The following GRIK2 variants were observed in gnomAD, a reference collection of about 807,000 sequenced individuals.
GRIK2 encodes the protein glutamate ionotropic receptor kainate type subunit 2.
In GRIK2, 32 loss-of-function variants were observed where a neutral mutation model predicts 100.3. That is an observed-to-expected ratio of 0.32 (90% confidence interval 0.24 to 0.43). GRIK2 has a LOEUF of 0.43. Ranked by LOEUF, GRIK2 falls within the 20% of genes least tolerant of loss-of-function variation. The probability of loss-of-function intolerance (pLI) is 1.00; values close to 1 mark genes in which losing one functional copy is unlikely to be tolerated. For missense variants in GRIK2, 843 were observed against 1,114.9 expected (o/e 0.76, Z 3.47); for synonymous variants, 417 against 389.4 (o/e 1.07, Z -0.83).
chr6:101,656,840 A>C (rs1377337045), intron 4 of GRIK2, among the ~76,000 whole-genome samples: 1 of 152,116 alleles, frequency 6.6e-6, no homozygotes, highest in African/African-American at 2.4e-5. Flanking sequence ...CAAACACAAC[A>C]CTTCTCCAAA....
chr6:101,494,971 T>TTTTATA (rs1554209024), intron 2 of GRIK2, among the ~76,000 whole-genome samples: 162 of 107,956 alleles, frequency 1.5e-3, no homozygotes, highest in Middle Eastern at 5.6e-3. Flanking sequence ...ATATATGCAT[T>TTTTATA]TATATATATA....
At chr6:101,667,101 G>A (rs1465075728) in intron 4 of GRIK2, among the ~76,000 whole-genome samples, 6 of 152,130 alleles carry the variant, frequency 3.9e-5, no homozygotes, top group Non-Finnish European at 7.4e-5. Context: ...CCTGCCACGG[G>A]CTGCCATGCC....
chr6:101,757,642 A>G (rs1040124483), intron 7 of GRIK2, among the ~76,000 whole-genome samples: 4 of 152,156 alleles, frequency 2.6e-5, no homozygotes, highest in African/African-American at 4.8e-5. Flanking sequence ...TTCAAACAAT[A>G]AAGTCTGGCT....
chr6:101,452,238 T>C (rs2518160), intron 2 of GRIK2, among the ~76,000 whole-genome samples: 32,545 of 151,630 alleles, frequency 0.21, 4,197 homozygotes, highest in Non-Finnish European at 0.3. Flanking sequence ...ATCAGCATAG[T>C]ATGGTTCCTT....
At chr6:101,740,946 C>T (rs141955144) in intron 7 of GRIK2, among the ~76,000 whole-genome samples, 1 of 152,308 alleles carries the variant, frequency 6.6e-6, no homozygotes, top group East Asian at 1.9e-4. Flanking sequence ...GATCACATTT[C>T]ACCATGAGAT....
chr6:101,962,614 T>C (rs73761500), intron 14 of GRIK2, among the ~76,000 whole-genome samples: 253 of 152,332 alleles, frequency 1.7e-3, no homozygotes, highest in African/African-American at 6.1e-3. Context: ...TATCCATTAT[T>C]GAAAGTGAGC....
intron 12 of GRIK2, among the ~76,000 whole-genome samples, chr6:101,906,407 G>C (rs1049716997): frequency 2.7e-5 from 1 of 36,388 alleles, no homozygotes; most frequent in Admixed American, 3.9e-4. Context: ...TAAACCTTGG[G>C]ATAAAGACTG....
intron 10 of GRIK2, among the ~76,000 whole-genome samples, chr6:101,852,546 A>G (rs1784195469): frequency 6.6e-6 from 1 of 152,132 alleles, no homozygotes; most frequent in African/African-American, 2.4e-5. Flanking sequence ...TAAGCCTGCT[A>G]TGAGCCAGGG....
chr6:102,062,496 T>G (rs1319421919), intron 16 of GRIK2, among the ~76,000 whole-genome samples: 1 of 123,484 alleles, frequency 8.1e-6, no homozygotes, highest in Non-Finnish European at 1.9e-5. Context: ...TTTTTCTAGC[T>G]ATAAAACTAC....
chr6:102,035,328 T>G lies in GRIK2; in HGVS notation c.2086-13T>G. The G allele has an allele frequency of 1.3e-6, 2 of 1,516,578 alleles. No homozygotes were observed. The highest frequency in any genetic ancestry group is 1.8e-6 in the Non-Finnish European group (2 of 1,095,478). The allele number at this position is 1,516,578 out of a possible 1,614,324, so 93.9% of individuals were successfully genotyped here. A position where few individuals can be genotyped will look rare whatever the true frequency, so the allele number is the denominator to read the frequency against. On this transcript the variant is annotated splice_polypyrimidine_tract_variant and intron_variant, in intron 14 of 16. Transcript: ENST00000369134. The stretch of plus-strand genomic sequence containing the variant: ...TAACTTTCTCGTGACCAACTTATAT[T>G]TATTTTCTTCAGAAATCAAAAATCT...
chr6:101,779,867 ATCTC>A (rs199696205), intron 7 of GRIK2, among the ~76,000 whole-genome samples: 12 of 150,910 alleles, frequency 8.0e-5, no homozygotes, highest in Non-Finnish European at 1.5e-4. Flanking sequence ...GGAGAGATAA[ATCTC>A]TCTCTCTATA....
intron 3 of GRIK2, among the ~76,000 whole-genome samples, chr6:101,624,300 G>A (rs9377287): frequency 6.8e-4 from 104 of 152,088 alleles, no homozygotes; most frequent in East Asian, 4.3e-3. Flanking sequence ...GGTGAAGGAA[G>A]ATCATTTATC....
chr6:101,745,704 A>G (rs1184683560), intron 7 of GRIK2, among the ~76,000 whole-genome samples: 5 of 152,048 alleles, frequency 3.3e-5, no homozygotes, highest in Admixed American at 6.6e-5. Context: ...TTCTTTTAAC[A>G]CCTTAGCTCT....
intron 14 of GRIK2, among the ~76,000 whole-genome samples, chr6:101,957,675 G>A (rs1296566714): frequency 6.6e-6 from 1 of 151,826 alleles, no homozygotes; most frequent in Non-Finnish European, 1.5e-5. Flanking sequence ...CTTACATTCA[G>A]GAATTTAATT....
intron 14 of GRIK2, among the ~76,000 whole-genome samples, chr6:101,975,094 A>AT (rs1793285437): frequency 6.6e-6 from 1 of 151,968 alleles, no homozygotes; most frequent in African/African-American, 2.4e-5. Flanking sequence ...GTCAAGGATG[A>AT]TTTTTTGATT....
rs140767254 is a variant in GRIK2 at position 101,489,439 on chromosome 6, C to T, written c.115+90047C>T. Among the ~76,000 whole-genome samples the T allele has an allele frequency of 1.4e-4, 21 of 145,846 alleles. 1 individual carries two copies. In the East Asian group the frequency reaches 2.9e-3, roughly 20 times the overall value. On this transcript the variant is annotated intron_variant, in intron 2 of 16. Coordinates refer to ENST00000369134, the MANE Select transcript of GRIK2 (RefSeq NM_021956.5). ...CATATAGGCACTTTTATCCTCCCCC[C>T]GCCCGCCCACACTGATTCATTCATT...
intron 12 of GRIK2, among the ~76,000 whole-genome samples, chr6:101,891,316 A>G (rs1024285032): frequency 6.6e-6 from 1 of 151,994 alleles, no homozygotes; most frequent in African/African-American, 2.4e-5. Context: ...CAGGAGATTG[A>G]GACCATCCTG....
At position 101,584,282 on chromosome 6, in the gene GRIK2, A is replaced by G. The variant is rs188532118; in HGVS notation, c.116-37667A>G. Reference sequence around the variant, plus strand: ...AAACTTTCTCCTCTCAGTTGTGCCCATCTACTCAAACACAATTCAAATTAT... The same window carrying G: ...AAACTTTCTCCTCTCAGTTGTGCCCGTCTACTCAAACACAATTCAAATTAT... On this transcript the variant is annotated intron_variant, in intron 2 of 16. Transcript: ENST00000369134. Among the ~76,000 whole-genome samples, 612 of 152,210 alleles carry G rather than the reference A, an allele frequency of 4.0e-3. 6 individuals are homozygous for G. Among genetic ancestry groups the G allele is most frequent in the Non-Finnish European group, 6.8e-3 (465 of 67,960 alleles).
intron 14 of GRIK2, among the ~76,000 whole-genome samples, chr6:102,013,716 A>G (rs1795671873): frequency 6.6e-6 from 1 of 152,104 alleles, no homozygotes; most frequent in Non-Finnish European, 1.5e-5. Context: ...AGTTATTTTT[A>G]TATGATGAAT....
Sources: allele counts gnomAD v4.1 joint callset (sites outside exome capture counted in the v4.1 genomes callset), GRCh38; gene constraint gnomAD v4.1.1; transcripts MANE v1.5; gene names NCBI Gene and HGNC (gene_info 2026-07-23, HGNC 2026-07-21).